The following DNMT3A variants were observed in gnomAD, a reference collection of about 807,000 sequenced individuals.
DNMT3A encodes the protein DNA (cytosine-5)-methyltransferase 3A.
In DNMT3A, 267 loss-of-function variants were observed where a neutral mutation model predicts 117.6. That is an observed-to-expected ratio of 2.27 (90% CI 2.05 to 2.51). The LOEUF is 2.51. Ranked by LOEUF, DNMT3A falls within the 30% of genes most tolerant of loss-of-function variation. The probability of loss-of-function intolerance (pLI) is 0.00; values close to 1 mark genes in which losing one functional copy is unlikely to be tolerated. For synonymous variants in DNMT3A, 432 were observed against 474.8 expected (o/e 0.91, Z 1.17); for missense variants, 1,029 against 1,260.2 (o/e 0.82, Z 2.78).
At chr2:25,275,751 A>G (rs1037503503) in intron 4 of DNMT3A, among the ~76,000 whole-genome samples, 1 of 152,210 alleles carries the variant, frequency 6.6e-6, no homozygotes, top group Non-Finnish European at 1.5e-5. Flanking sequence ...GGGCAGAGAA[A>G]GAACTCGGGC....
chr2:25,239,704 A>G (rs1361960247), intron 19 of DNMT3A, among the ~76,000 whole-genome samples: 2 of 152,118 alleles, frequency 1.3e-5, no homozygotes, highest in Non-Finnish European at 2.9e-5. Flanking sequence ...GCCTGCTCAC[A>G]CTTACAGTCA....
chr2:25,320,703 T>C (rs1025159106), intron 1 of DNMT3A, among the ~76,000 whole-genome samples: 5 of 152,128 alleles, frequency 3.3e-5, no homozygotes, highest in East Asian at 1.9e-4. Flanking sequence ...CTGTGAATAA[T>C]AGTTTTATCG....
At chr2:25,264,009 C>T (rs2029930578) in intron 6 of DNMT3A, among the ~76,000 whole-genome samples, 1 of 152,100 alleles carries the variant, frequency 6.6e-6, no homozygotes, top group Non-Finnish European at 1.5e-5. Flanking sequence ...TCTGACTTGC[C>T]TTTAAATTTG....
chr2:25,248,999 T>C (rs1235269265), intron 6 of DNMT3A, among the ~76,000 whole-genome samples: 1 of 152,258 alleles, frequency 6.6e-6, no homozygotes, highest in Non-Finnish European at 1.5e-5. Context: ...ACCGTATATC[T>C]CCTAATGCTA....
intron 1 of DNMT3A, among the ~76,000 whole-genome samples, chr2:25,336,650 AC>A (rs1310421552): frequency 6.7e-6 from 1 of 148,560 alleles, no homozygotes; most frequent in African/African-American, 2.5e-5. Flanking sequence ...CTCCACCCCT[AC>A]CCCCACTGGC....
intron 4 of DNMT3A, among the ~76,000 whole-genome samples, chr2:25,279,556 A>T (rs1360657601): frequency 6.6e-6 from 1 of 152,136 alleles, no homozygotes; most frequent in African/African-American, 2.4e-5. Flanking sequence ...GCGAGGTAAC[A>T]TCTCACCAAT....
intron 4 of DNMT3A, among the ~76,000 whole-genome samples, chr2:25,279,056 A>G (rs553451346): frequency 2.6e-5 from 4 of 152,260 alleles, no homozygotes; most frequent in Admixed American, 2.0e-4. Context: ...AGAATGCCCA[A>G]TACAGTCAAT....
chr2:25,283,054 CA>C (rs2032007741), intron 3 of DNMT3A, among the ~76,000 whole-genome samples: 1 of 152,164 alleles, frequency 6.6e-6, no homozygotes. Context: ...GCCTTCTCTG[CA>C]GCCCCTGTTA....
chr2:25,270,311 C>A (rs893528554), intron 6 of DNMT3A, among the ~76,000 whole-genome samples: 7 of 152,180 alleles, frequency 4.6e-5, no homozygotes, highest in Non-Finnish European at 8.8e-5. Context: ...AGGCAGCATT[C>A]GTCTACGCCC....
Position 25,311,299 on chromosome 2 carries a change from T to C in DNMT3A, c.72+2614A>G, listed in dbSNP as rs1048661897. On this transcript the variant is annotated intron_variant, in intron 2 of 22. Coordinates refer to ENST00000321117, the MANE Select transcript of DNMT3A (RefSeq NM_022552.5). The surrounding 1 kb of genome is among the most constrained non-coding windows in gnomAD (Gnocchi z 5.2). ...GGCTCCCTGGGCTGCAGACCAAGCC[T>C]GTGTCTTCCCCTCTGCAGCTACCAG... is the stretch of plus-strand genomic sequence containing the variant. Among the ~76,000 whole-genome samples the C allele has an allele frequency of 1.1e-4, 16 of 152,206 alleles. No homozygotes were observed. The highest frequency in any genetic ancestry group is 3.6e-4 in the African/African-American group (15 of 41,450).
In DNMT3A at chr2:25,244,612, C is replaced by CCGTCGTCGT; in HGVS notation, c.1586_1594dup (p.Asp529_Asp531dup). ...GCAGATGGTGCAGTAGGACTGGTAG[C>CCGTCGTCGT]CGTCGTCGTCGTACTGGTACGCACA... is the stretch of plus-strand genomic sequence containing the variant. On this transcript the variant is annotated inframe_insertion, in exon 14 of 23. Transcript: ENST00000321117. 6.2e-7 allele frequency: 1 copy of CCGTCGTCGT among 1,614,164 alleles called. No homozygotes were observed.
chr2:25,258,402 C>T (rs981387379), intron 6 of DNMT3A, among the ~76,000 whole-genome samples: 7 of 152,168 alleles, frequency 4.6e-5, no homozygotes, highest in South Asian at 2.1e-4. Flanking sequence ...AACCTGTAAG[C>T]GAATTGTGCT....
At chr2:25,308,629 G>C (rs752653861) in intron 2 of DNMT3A, among the ~76,000 whole-genome samples, 2 of 151,862 alleles carry the variant, frequency 1.3e-5, no homozygotes, top group Non-Finnish European at 2.9e-5. Context: ...TGAGGGTGCA[G>C]CGGCTTTTCT....
rs1354544238 is a variant in DNMT3A at position 25,305,377 on chromosome 2, G to A, written c.73-5134C>T. On this transcript the variant is annotated intron_variant, in intron 2 of 22. Coordinates refer to ENST00000321117, the MANE Select transcript of DNMT3A (RefSeq NM_022552.5). This position sits in a 1 kb window ranked among gnomAD's most constrained non-coding sequence, Gnocchi z 4.1. Reference sequence around the variant, plus strand: ...GACCTACATTTCAACACTGCTCACTGGATGGATTATTTTAAGCCATATACA... The same window carrying A: ...GACCTACATTTCAACACTGCTCACTAGATGGATTATTTTAAGCCATATACA... Among the ~76,000 whole-genome samples the A allele has an allele frequency of 1.3e-5, 2 of 152,182 alleles. No individual in the cohort carries two copies. The highest frequency in any genetic ancestry group is 2.9e-5 in the Non-Finnish European group (2 of 68,036).
In DNMT3A at chr2:25,296,720, CA is replaced by C. The variant is rs2033111498; in HGVS notation, c.177+3418del. ...AGTCTGGTTTGGGTGAGGGCAATGC[CA>C]GGGGGCAGAAGGCACCCAGGGACAG... On this transcript the variant is annotated intron_variant, in intron 3 of 22. Transcript: ENST00000321117. The surrounding 1 kb of genome is among the most constrained non-coding windows in gnomAD (Gnocchi z 4.2). Among the ~76,000 whole-genome samples, 1 of 152,196 alleles carries C rather than the reference CA, an allele frequency of 6.6e-6. No homozygotes were observed. Among genetic ancestry groups the C allele is most frequent in the Non-Finnish European group, 1.5e-5 (1 of 68,034 alleles).
Position 25,247,737 on chromosome 2 carries a change from AG to A in DNMT3A, c.867del (p.Phe290LeufsTer26), listed in dbSNP as rs746332586. 2 of 1,612,522 alleles carry A rather than the reference AG, an allele frequency of 1.2e-6. No homozygotes were observed. The highest frequency in any genetic ancestry group is 1.7e-6 in the Non-Finnish European group (2 of 1,179,984). On this transcript the variant is annotated frameshift_variant, in exon 8 of 23. Transcript: ENST00000321117. LOFTEE classifies it high-confidence loss of function. This position sits in a 1 kb window ranked among gnomAD's most constrained non-coding sequence, Gnocchi z 5.6. ...CCCCACACCAGCTCCCCAATGCCAA[AG>A]CCCCGGCCGTCCTGGAGCCCCAAGG... Reference protein sequence around the residue: ...DDEPEYEDGRGFGIGELVWGK... With the variant: ...DDEPEYEDGRXFGIGELVWGK...
At position 25,241,691 on chromosome 2, in the gene DNMT3A, CT is replaced by C; in HGVS notation, c.1952del (p.Lys651ArgfsTer54). The C allele has an allele frequency of 1.2e-6, 2 of 1,614,030 alleles. No homozygotes were observed. Among genetic ancestry groups the C allele is most frequent in the Non-Finnish European group, 1.7e-6 (2 of 1,179,972 alleles). The part of the protein sequence containing the change: ...DGIATGLLVL[K>X]DLGIQVDRYI... ...AGCGGTCCACCTGAATGCCCAAGTCCTTCAGCACCAGGAGCCCTGCACCAGC... is the reference window on the plus strand; with the variant it reads ...AGCGGTCCACCTGAATGCCCAAGTCCTCAGCACCAGGAGCCCTGCACCAGC... On this transcript the variant is annotated frameshift_variant, in exon 17 of 23. Transcript: ENST00000321117. LOFTEE classifies it high-confidence loss of function.
rs2034132629 is a variant in DNMT3A at position 25,311,720 on chromosome 2, G to A, written c.72+2193C>T. On this transcript the variant is annotated intron_variant, in intron 2 of 22. Coordinates refer to ENST00000321117, the MANE Select transcript of DNMT3A (RefSeq NM_022552.5). The surrounding 1 kb of genome is among the most constrained non-coding windows in gnomAD (Gnocchi z 5.2). ...GTCTGCAGGTCACTTCCATGCCCAT[G>A]ACCTTATCTGACTTCCACAACCACC... Among the ~76,000 whole-genome samples, 2 of 152,138 alleles carry A rather than the reference G, an allele frequency of 1.3e-5. No individual in the cohort carries two copies. Among genetic ancestry groups the A allele is most frequent in the African/African-American group, 2.4e-5 (1 of 41,428 alleles).
intron 1 of DNMT3A, among the ~76,000 whole-genome samples, chr2:25,320,999 G>C (rs973516892): frequency 6.6e-6 from 1 of 152,124 alleles, no homozygotes; most frequent in Non-Finnish European, 1.5e-5. Flanking sequence ...AGGCATGATG[G>C]TGCATTCCTG....
Sources: allele counts gnomAD v4.1 joint callset (sites outside exome capture counted in the v4.1 genomes callset), GRCh38; gene constraint gnomAD v4.1.1; non-coding constraint Gnocchi (gnomAD v3.1); transcripts MANE v1.5; gene names NCBI Gene and HGNC (gene_info 2026-07-23, HGNC 2026-07-21).